PPP1R1C: variants seen among roughly 807,000 people sequenced by gnomAD.
The protein encoded by PPP1R1C is protein phosphatase 1 regulatory subunit 1C.
In PPP1R1C, 15 loss-of-function variants were observed where a neutral mutation model predicts 17.4. The ratio of observed to expected loss-of-function variants is 0.86; its 90% CI spans 0.58 to 1.33. The LOEUF is 1.33. Among genes scored for constraint, PPP1R1C ranks in the 40% most tolerant of loss-of-function variants. PPP1R1C has a pLI of 0.00. For missense variants in PPP1R1C, 143 were observed against 130.0 expected (o/e 1.10, Z -0.48); for synonymous variants, 35 against 43.1 (o/e 0.81, Z 0.73).
chr2:182,075,066 A>T (rs956474105), intron 4 of PPP1R1C, among the ~76,000 whole-genome samples: 3 of 152,206 alleles, frequency 2.0e-5, no homozygotes, highest in Admixed American at 2.0e-4. Flanking sequence ...ACAATATAAA[A>T]ATTATGTGAT....
intron 4 of PPP1R1C, among the ~76,000 whole-genome samples, chr2:182,074,610 A>G (rs2125207494): frequency 6.6e-6 from 1 of 152,336 alleles, no homozygotes; most frequent in Non-Finnish European, 1.5e-5. Flanking sequence ...GGCAAACTTA[A>G]GATTACATTC....
At chr2:182,039,274 G>A (rs1430885593) in intron 2 of PPP1R1C, among the ~76,000 whole-genome samples, 1 of 152,084 alleles carries the variant, frequency 6.6e-6, no homozygotes, top group Non-Finnish European at 1.5e-5. Context: ...AATTTTGATT[G>A]AAAGTGTCAT....
chr2:182,049,351 A>AAAG (rs1687440460), intron 2 of PPP1R1C, among the ~76,000 whole-genome samples: 4 of 151,078 alleles, frequency 2.6e-5, no homozygotes, highest in Admixed American at 1.3e-4. Flanking sequence ...AAAAAAAAAA[A>AAAG]TCTCTCTAGG....
At chr2:182,076,355 C>T (rs1355421037) in intron 4 of PPP1R1C, among the ~76,000 whole-genome samples, 3 of 145,710 alleles carry the variant, frequency 2.1e-5, no homozygotes, top group South Asian at 2.1e-4. Context: ...CTACCACGCC[C>T]GACTAATTTT....
At chr2:182,025,057 C>T (rs1414896027) in intron 2 of PPP1R1C, among the ~76,000 whole-genome samples, 1 of 150,104 alleles carries the variant, frequency 6.7e-6, no homozygotes, top group African/African-American at 2.4e-5. Context: ...CAAAGTTGCA[C>T]ATGTACTGCA....
At chr2:182,072,012 G>A (rs1359366370) in intron 4 of PPP1R1C, among the ~76,000 whole-genome samples, 3 of 152,156 alleles carry the variant, frequency 2.0e-5, no homozygotes, top group Admixed American at 2.0e-4. Flanking sequence ...TCCTATTTGA[G>A]TCAGTATTCT....
intron 4 of PPP1R1C, among the ~76,000 whole-genome samples, chr2:182,108,968 C>T (rs2125232917): frequency 6.6e-6 from 1 of 152,288 alleles, no homozygotes; most frequent in Middle Eastern, 3.4e-3. Flanking sequence ...TACTATTTCT[C>T]ATTTCTGTTG....
At chr2:182,035,983 G>T (rs984275390) in intron 2 of PPP1R1C, among the ~76,000 whole-genome samples, 2 of 150,498 alleles carry the variant, frequency 1.3e-5, no homozygotes, top group Non-Finnish European at 2.9e-5. Flanking sequence ...ATTTCATTGT[G>T]TGTTTATACA....
At position 181,957,039 on chromosome 2, in the gene PPP1R1C, T is replaced by G. The variant is rs1166726121; in HGVS notation, n.111+2405T>G. ...CATCAGCTGTTTTAATTTAAATAAG[T>G]ATGCATGTGCTTTGCCACTGGATAA... On this transcript the variant is annotated intron_variant and non_coding_transcript_variant, in intron 1 of 5. Coordinates refer to the PPP1R1C transcript ENST00000464264. This position sits in a 1 kb window ranked among gnomAD's most constrained non-coding sequence, Gnocchi z 4.2. Among the ~76,000 whole-genome samples the G allele has an allele frequency of 2.0e-5, 3 of 152,176 alleles. No individual in the cohort carries two copies. Among genetic ancestry groups the G allele is most frequent in the Non-Finnish European group, 2.9e-5 (2 of 68,022 alleles).
chr2:181,974,749 A>G (rs191266752), intron 1 of PPP1R1C, among the ~76,000 whole-genome samples: 48 of 152,358 alleles, frequency 3.2e-4, no homozygotes, highest in African/African-American at 1.1e-3. Flanking sequence ...CCTGAGAACT[A>G]TAAATCAGAA....
At chr2:182,011,363 A>G (rs192041875) in intron 2 of PPP1R1C, among the ~76,000 whole-genome samples, 2 of 152,124 alleles carry the variant, frequency 1.3e-5, no homozygotes, top group Non-Finnish European at 2.9e-5. Flanking sequence ...TGTGTCTAGG[A>G]ATTTATCCAT....
chr2:182,020,655 TTCTGGTATC>T (rs1324254843), intron 2 of PPP1R1C, among the ~76,000 whole-genome samples: 3 of 152,216 alleles, frequency 2.0e-5, no homozygotes, highest in Non-Finnish European at 4.4e-5. Context: ...GTCCTATCCT[TTCTGGTATC>T]CTGATCCTCT....
At chr2:182,091,487 A>T (rs59983811) in intron 4 of PPP1R1C, among the ~76,000 whole-genome samples, 1,879 of 123,952 alleles carry the variant, frequency 0.015, 34 homozygotes, top group African/African-American at 0.05. Flanking sequence ...AAAAAAAATA[A>T]TAAAAAAAAA....
At chr2:182,102,205 T>C (rs1291817245) in intron 4 of PPP1R1C, among the ~76,000 whole-genome samples, 1 of 152,198 alleles carries the variant, frequency 6.6e-6, no homozygotes, top group Non-Finnish European at 1.5e-5. Context: ...GGAAAACATA[T>C]TGTCAATAAA....
intron 2 of PPP1R1C, among the ~76,000 whole-genome samples, chr2:181,989,385 T>C (rs1454979124): frequency 6.6e-6 from 1 of 152,208 alleles, no homozygotes; most frequent in Non-Finnish European, 1.5e-5. Flanking sequence ...GGTGAAGTGA[T>C]TTTTGTGGCT....
At chr2:181,965,203 T>C (rs564850426) in intron 1 of PPP1R1C, among the ~76,000 whole-genome samples, 32 of 152,370 alleles carry the variant, frequency 2.1e-4, no homozygotes, top group Admixed American at 3.9e-4. Flanking sequence ...ATTAATCCCT[T>C]GTCATAAGAA....
intron 4 of PPP1R1C, among the ~76,000 whole-genome samples, chr2:182,099,413 C>G (rs1559092669): frequency 6.6e-6 from 1 of 152,148 alleles, no homozygotes; most frequent in Non-Finnish European, 1.5e-5. Context: ...AAAGTCATCC[C>G]TCCTGCCCCC....
chr2:182,024,857 A>AAAAC (rs374519097), intron 2 of PPP1R1C, among the ~76,000 whole-genome samples: 3,440 of 150,770 alleles, frequency 0.023, 82 homozygotes, highest in South Asian at 0.084. Flanking sequence ...TCTGTCTCAA[A>AAAAC]AAACAAACAA....
chr2:182,035,251 G>A (rs927733084), intron 2 of PPP1R1C, among the ~76,000 whole-genome samples: 3 of 152,114 alleles, frequency 2.0e-5, no homozygotes, highest in Non-Finnish European at 2.9e-5. Flanking sequence ...GGCAAAAATG[G>A]TTGTTATTAT....
Sources: allele counts gnomAD v4.1 joint callset (sites outside exome capture counted in the v4.1 genomes callset), GRCh38; gene constraint gnomAD v4.1.1; non-coding constraint Gnocchi (gnomAD v3.1); transcripts MANE v1.5; gene names NCBI Gene and HGNC (gene_info 2026-07-23, HGNC 2026-07-21).